Variants in GPHN observed in about 807,000 individuals in gnomAD.
GPHN encodes gephyrin.
Under a neutral mutation model 95.5 loss-of-function variants are expected in GPHN, and 17 were observed. That is an observed-to-expected ratio of 0.18 (90% confidence interval 0.12 to 0.27). GPHN has a LOEUF of 0.27. Among genes scored for constraint, GPHN ranks in the 10% least tolerant of loss-of-function variants. GPHN has a pLI of 1.00. For synonymous variants in GPHN, 320 were observed against 322.5 expected (o/e 0.99, Z 0.08); for missense variants, 660 against 978.1 (o/e 0.67, Z 4.34).
intron 16 of GPHN, among the ~76,000 whole-genome samples, chr14:67,121,278 A>T (rs1258663403): frequency 6.6e-6 from 1 of 152,144 alleles, no homozygotes; most frequent in Non-Finnish European, 1.5e-5. Flanking sequence ...TTTATAATCT[A>T]ATAGTCTATG....
chr14:67,137,307 G>A (rs576266511), intron 17 of GPHN, among the ~76,000 whole-genome samples: 37 of 151,628 alleles, frequency 2.4e-4, no homozygotes, highest in African/African-American at 7.2e-4. Flanking sequence ...CACCACGCCC[G>A]GCTAATTTTT....
the GPHN span, chr14:67,646,605 G>A: frequency 6.7e-7 from 1 of 1,503,076 alleles, no homozygotes; most frequent in Non-Finnish European, 9.2e-7. Flanking sequence ...GTGAGAACAA[G>A]AATTCTTGAT....
At chr14:67,268,415 G>A in the GPHN span, among the ~76,000 whole-genome samples, 3 of 152,220 alleles carry the variant, frequency 2.0e-5, no homozygotes, top group African/African-American at 7.2e-5. Context: ...AGTCCATAGA[G>A]TAAAATGAAA....
At chr14:67,690,069 A>G in the GPHN span, 44 of 666,534 alleles carry the variant, frequency 6.6e-5, no homozygotes, top group Middle Eastern at 1.3e-3. Flanking sequence ...TCAGTTGTAG[A>G]CTACTTACTA....
intron 4 of GPHN, among the ~76,000 whole-genome samples, chr14:66,850,759 G>A (rs549685079): frequency 4.6e-5 from 7 of 152,198 alleles, no homozygotes; most frequent in Non-Finnish European, 8.8e-5. Flanking sequence ...ACATAATATC[G>A]AGTACGCACT....
intron 3 of GPHN, among the ~76,000 whole-genome samples, chr14:66,807,771 C>T (rs1183893910): frequency 2.6e-5 from 4 of 152,146 alleles, no homozygotes; most frequent in African/African-American, 9.7e-5. Flanking sequence ...GTTATCCATT[C>T]TTTTGTGGAA....
intron 19 of GPHN, among the ~76,000 whole-genome samples, chr14:67,162,563 C>T (rs1005600077): frequency 2.0e-5 from 3 of 152,186 alleles, no homozygotes; most frequent in Non-Finnish European, 4.4e-5. Context: ...CCAGATCTAC[C>T]AATCACGGTT....
At chr14:66,693,312 G>A (rs1387541521) in intron 2 of GPHN, among the ~76,000 whole-genome samples, 6 of 152,086 alleles carry the variant, frequency 3.9e-5, no homozygotes, top group Non-Finnish European at 8.8e-5. Flanking sequence ...TAATGAATAT[G>A]GATATTATTT....
chr14:67,123,323 G>C (rs1282532296), intron 17 of GPHN, among the ~76,000 whole-genome samples: 1 of 152,154 alleles, frequency 6.6e-6, no homozygotes, highest in African/African-American at 2.4e-5. Context: ...CACAAGGTAG[G>C]ATCTGACAAG....
chr14:66,856,634 C>T (rs1188134107), intron 4 of GPHN, among the ~76,000 whole-genome samples: 1 of 151,972 alleles, frequency 6.6e-6, no homozygotes, highest in Non-Finnish European at 1.5e-5. Context: ...GATAACAAAA[C>T]CTTCATACCA....
chr14:67,065,593 C>G (rs1381434309), intron 11 of GPHN, among the ~76,000 whole-genome samples: 2 of 152,054 alleles, frequency 1.3e-5, no homozygotes, highest in Non-Finnish European at 2.9e-5. Flanking sequence ...TAAGGACTTG[C>G]TTTACGAATC....
the GPHN span, among the ~76,000 whole-genome samples, chr14:67,611,915 T>C: frequency 1.3e-5 from 2 of 152,096 alleles, no homozygotes; most frequent in South Asian, 2.1e-4. Context: ...CCTAAGCTTG[T>C]TTTCCTGCAA....
chr14:66,574,406 T>C (rs1013158290), intron 1 of GPHN, among the ~76,000 whole-genome samples: 1 of 152,254 alleles, frequency 6.6e-6, no homozygotes, highest in Non-Finnish European at 1.5e-5. Context: ...CTTATAACTT[T>C]CATACTGTAG....
intron 5 of GPHN, among the ~76,000 whole-genome samples, chr14:66,902,278 T>TCCAGA (rs1320001340): frequency 2.0e-5 from 3 of 152,080 alleles, no homozygotes; most frequent in Admixed American, 2.0e-4. Flanking sequence ...TAGTGGAGTC[T>TCCAGA]CCAGATTTTT....
intron 1 of GPHN, among the ~76,000 whole-genome samples, chr14:66,571,004 G>T (rs1023380502): frequency 1.3e-5 from 2 of 151,866 alleles, no homozygotes; most frequent in Non-Finnish European, 2.9e-5. Flanking sequence ...TATATATTCT[G>T]GATATTAAGC....
At chr14:66,605,736 G>A (rs533587559) in intron 1 of GPHN, among the ~76,000 whole-genome samples, 1 of 152,072 alleles carries the variant, frequency 6.6e-6, no homozygotes, top group East Asian at 1.9e-4. Flanking sequence ...GTTTCACTGT[G>A]TTAGCCAGGA....
intron 8 of GPHN, among the ~76,000 whole-genome samples, chr14:66,936,143 C>G (rs1187346028): frequency 2.0e-5 from 3 of 152,148 alleles, no homozygotes; most frequent in African/African-American, 7.2e-5. Context: ...CTTTGGAAGG[C>G]TGAGGTGGGC....
At chr14:66,619,511 A>G (rs1439730236) in intron 1 of GPHN, among the ~76,000 whole-genome samples, 1 of 147,664 alleles carries the variant, frequency 6.8e-6, no homozygotes. Flanking sequence ...TACCATATGT[A>G]TATCTTTTTT....
At chr14:67,491,422 C>T in the GPHN span, among the ~76,000 whole-genome samples, 4 of 152,190 alleles carry the variant, frequency 2.6e-5, no homozygotes, top group African/African-American at 4.8e-5. Flanking sequence ...AGACTGGCTC[C>T]ATCCTGAGGC....
Sources: gnomAD v4.1 joint callset for allele counts (sites outside exome capture counted in the v4.1 genomes callset) on GRCh38, gnomAD v4.1.1 for gene constraint, MANE v1.5 for transcripts, NCBI Gene and HGNC (gene_info 2026-07-23, HGNC 2026-07-21) for gene names.